The following KLC4 variants were observed in gnomAD, a reference collection of about 807,000 sequenced individuals.
The protein encoded by KLC4 is kinesin light chain 4.
A neutral mutation model predicts 77.2 loss-of-function variants in KLC4; 49 were observed. The ratio of observed to expected loss-of-function variants is 0.63; its 90% CI spans 0.50 to 0.80. KLC4 has a LOEUF of 0.80. Ranked by LOEUF, KLC4 falls within the 30% of genes least tolerant of loss-of-function variation. The probability of loss-of-function intolerance (pLI) is 0.00; values close to 1 mark genes in which losing one functional copy is unlikely to be tolerated. For missense variants in KLC4, 669 were observed against 793.5 expected (o/e 0.84, Z 1.89); for synonymous variants, 274 against 314.5 (o/e 0.87, Z 1.36).
chr6:43,060,374 G>T, intron 1 of KLC4: 1 of 1,562,110 alleles, frequency 6.4e-7, no homozygotes, highest in Non-Finnish European at 8.7e-7. Context: ...GAAGGAGACG[G>T]GAATTGGGCG....
In KLC4 at chr6:43,069,705, C is replaced by T. The variant is rs543489649; in HGVS notation, c.880-649C>T. 5.3e-5 allele frequency among the ~76,000 whole-genome samples: 8 copies of T among 152,052 alleles called. No homozygotes were observed. The South Asian group carries it at 8.3e-4, about 16-fold the overall frequency. ...AGCTGGGATTACAGACATGCCACTA[C>T]GCCTGGCTAATTTTGTACTTTTAGT... On this transcript the variant is annotated intron_variant, in intron 6 of 15. Transcript: ENST00000347162.
chr6:43,064,857 G>T (rs901650642), intron 3 of KLC4, among the ~76,000 whole-genome samples: 4 of 152,050 alleles, frequency 2.6e-5, no homozygotes, highest in African/African-American at 9.7e-5. Context: ...AGTGAGGGAG[G>T]GTTACGTAGT....
intron 9 of KLC4, 53 bp downstream of exon 9, chr6:43,071,427 C>A (rs1468734159): frequency 3.8e-6 from 6 of 1,562,548 alleles, no homozygotes; most frequent in Non-Finnish European, 5.3e-6. Context: ...GAAATTCAGA[C>A]CAAAGGTCGG....
In KLC4 at chr6:43,072,846, C is replaced by A; in HGVS notation, c.1511C>A (p.Thr504Lys). ...RRQGTDPISQ[T>K]KVAELLGESD... ...CAGGGCACTGACCCTATCAGCCAGA[C>A]GAAGGTGGCAGAGCTGCTTGGGGAG... Residue 504 changes from threonine (T) to lysine (K), a missense_variant, in exon 13 of 16, where the codon ACG (threonine) becomes AAG (lysine). Coordinates refer to ENST00000347162, the MANE Select transcript of KLC4 (RefSeq NM_201521.3). 3 of 1,613,838 alleles carry A rather than the reference C, an allele frequency of 1.9e-6. No individual in the cohort carries two copies. Among genetic ancestry groups the A allele is most frequent in the Admixed American group, 1.7e-5 (1 of 59,986 alleles).
chr6:43,062,848 G>C (rs1368526090), intron 2 of KLC4, 69 bp from the exon 3 acceptor site: 1 of 1,345,772 alleles, frequency 7.4e-7, no homozygotes, highest in South Asian at 1.2e-5. Context: ...CGTCCCAGTA[G>C]GCTCCCCTTC....
intron 10 of KLC4, 43 bp from the exon 11 acceptor site, chr6:43,071,809 T>G (rs1765744284): frequency 1.9e-6 from 3 of 1,592,190 alleles, no homozygotes; most frequent in Admixed American, 1.8e-5. Context: ...TTCTTATATT[T>G]GGCTCTCCCT....
intron 8 of KLC4, 59 bp downstream of exon 8, chr6:43,070,924 G>A: frequency 6.3e-6 from 2 of 317,550 alleles, no homozygotes; most frequent in South Asian, 2.7e-5. Flanking sequence ...AGAGGTGGGG[G>A]GAGGGGGGGC....
At chr6:43,061,112 C>T (rs1561909842) in intron 1 of KLC4, 199 bp from the exon 2 acceptor site, 2 of 597,234 alleles carry the variant, frequency 3.3e-6, no homozygotes, top group African/African-American at 1.9e-5. Flanking sequence ...AGTTCATCTC[C>T]CTCTCGCTTT....
intron 1 of KLC4, 139 bp from the exon 2 acceptor site, chr6:43,061,172 G>C (rs1765134137): frequency 1.2e-6 from 1 of 854,990 alleles, no homozygotes; most frequent in Admixed American, 2.6e-5. Flanking sequence ...CTGCCTGCTG[G>C]TCACTCTCTC....
rs1230300186 is a variant in KLC4, at chr6:43,061,579, C to G, written c.244C>G (p.Leu82Val). The change falls in exon 2 of 16, where the codon CTG becomes GTG. Residue 82 changes from leucine (L) to valine (V), a missense_variant. Leu to Val is a conservative substitution (Grantham distance 32). Transcript: ENST00000347162. ...RRSMENIELG[L>V]SEAQVMLALA... ...TTCTATGGAAAACATTGAGCTCGGG[C>G]TGAGTGAGGCCCAGGTGAGAGGGCA... The G allele has an allele frequency of 2.5e-6, 4 of 1,610,174 alleles. No individual in the cohort carries two copies. Among genetic ancestry groups the G allele is most frequent in the Non-Finnish European group, 3.4e-6 (4 of 1,177,236 alleles).
At chr6:43,073,661 A>AG in intron 14 of KLC4, 1 of 540,510 alleles carries the variant, frequency 1.9e-6, no homozygotes, top group Non-Finnish European at 3.3e-6. Flanking sequence ...AAAAAAAAGA[A>AG]AAAAAAAAAA....
At chr6:43,066,212 C>T in intron 4 of KLC4, 94 bp from the exon 5 acceptor site, 2 of 1,057,754 alleles carry the variant, frequency 1.9e-6, no homozygotes, top group Non-Finnish European at 2.9e-6. Context: ...TTGGGGTGGG[C>T]ACAAGTATGG....
At chr6:43,065,225 C>G (rs1765355391) in intron 3 of KLC4, among the ~76,000 whole-genome samples, 1 of 152,150 alleles carries the variant, frequency 6.6e-6, no homozygotes, top group Non-Finnish European at 1.5e-5. Flanking sequence ...TAGGCATGCG[C>G]CACCACGCCC....
chr6:43,071,236 C>T (rs752495797), intron 8 of KLC4, 39 bp from the exon 9 acceptor site: 60 of 1,240,384 alleles, frequency 4.8e-5, no homozygotes, highest in Non-Finnish European at 6.9e-5. Flanking sequence ...TGCCTCCCTC[C>T]ATGTTTTGTT....
chr6:43,072,159 C>CACT lies in KLC4; in HGVS notation c.1396_1398dup (p.Thr466dup). The CACT allele has an allele frequency of 6.2e-7, 1 of 1,613,940 alleles. No homozygotes were observed. Among genetic ancestry groups the CACT allele is most frequent in the African/African-American group, 1.3e-5 (1 of 75,020 alleles). ...TTTCTCACCACAGCCCCACAGTGAA[C>CACT]ACTACTCTGAGAAACCTGGGAGCTC... On this transcript the variant is annotated inframe_insertion, in exon 12 of 16. Coordinates refer to ENST00000347162, the MANE Select transcript of KLC4 (RefSeq NM_201521.3).
chr6:43,072,242 G>GGTCCC lies in KLC4; in HGVS notation c.1477_1481dup (p.Arg495ProfsTer35), dbSNP rs1765771220. On this transcript the variant is annotated frameshift_variant, in exon 12 of 16. Coordinates refer to ENST00000347162, the MANE Select transcript of KLC4 (RefSeq NM_201521.3). LOFTEE classifies it high-confidence loss of function. ...GAGACCCTGGAGGAATGTGCCCTGC[G>GGTCCC]GTCCCGGAGACAGGTCAGAAGCCCA... The GGTCCC allele has an allele frequency of 1.9e-6, 3 of 1,613,778 alleles. No individual in the cohort carries two copies. The highest frequency in any genetic ancestry group is 2.5e-6 in the Non-Finnish European group (3 of 1,179,728).
At chr6:43,066,619 C>T (rs1415259736) in intron 5 of KLC4, 94 bp downstream of exon 5, 2 of 1,116,736 alleles carry the variant, frequency 1.8e-6, no homozygotes, top group Non-Finnish European at 2.6e-6. Context: ...CAGGGTACCT[C>T]TCCTCCCTGT....
chr6:43,061,692 G>A (rs1045875134), intron 2 of KLC4, 99 bp downstream of exon 2: 7 of 1,218,338 alleles, frequency 5.7e-6, no homozygotes, highest in African/African-American at 3.0e-5. Context: ...CACTCTAGAC[G>A]TTTGCATTCA....
intron 3 of KLC4, among the ~76,000 whole-genome samples, chr6:43,063,554 ATT>A (rs59259365): frequency 2.7e-5 from 4 of 145,588 alleles, no homozygotes; most frequent in Admixed American, 6.9e-5. Context: ...AAATGTGTGA[ATT>A]TTTTTTTTTT....
Sources: gnomAD v4.1 joint callset for allele counts (sites outside exome capture counted in the v4.1 genomes callset) on GRCh38, gnomAD v4.1.1 for gene constraint, MANE v1.5 for transcripts, NCBI Gene and HGNC (gene_info 2026-07-23, HGNC 2026-07-21) for gene names.